Variants in COX19 observed in about 807,000 individuals in gnomAD.
COX19 encodes the protein cytochrome c oxidase assembly factor COX19.
In COX19, 8 loss-of-function variants were observed where a neutral mutation model predicts 6.8. The observed-to-expected ratio is 1.18, with a 90% CI of 0.69 to 2.12. The LOEUF (loss-of-function observed/expected upper bound fraction) is 2.12, where lower values mean the gene tolerates loss of function less well. Ranked by LOEUF, COX19 falls within the 30% of genes most tolerant of loss-of-function variation. The pLI, the probability that COX19 is intolerant of heterozygous loss-of-function variation, is 0.00. For missense variants in COX19, 131 were observed against 104.6 expected (o/e 1.25, Z -1.10); for synonymous variants, 51 against 38.0 (o/e 1.34, Z -1.26).
intron 2 of COX19, 34 bp from the exon 3 acceptor site, chr7:969,490 G>T (rs764164190): frequency 1.4e-6 from 2 of 1,398,842 alleles, no homozygotes; most frequent in Non-Finnish European, 2.0e-6. Flanking sequence ...CAGGGCGGGA[G>T]GTGCAGAGAG....
In COX19 at chr7:968,430, T is replaced by A. The variant is rs898192702; in HGVS notation, c.*948A>T. ...CCCACCCCGTCTCCTGCCACCATCCTCCACTGACCAGACAGGAGCCAGCCC... is the reference window on the plus strand; with the variant it reads ...CCCACCCCGTCTCCTGCCACCATCCACCACTGACCAGACAGGAGCCAGCCC... On this transcript the variant is annotated 3_prime_UTR_variant, in exon 3 of 3. Coordinates refer to ENST00000344111, the MANE Select transcript of COX19 (RefSeq NM_001031617.3). 2 of 152,280 alleles carry A rather than the reference T, an allele frequency of 1.3e-5. No individual in the cohort carries two copies. The highest frequency in any genetic ancestry group is 2.9e-5 in the Non-Finnish European group (2 of 68,114). 9.4% of individuals were successfully genotyped at this position (152,280 alleles called of 1,614,324 possible).
Position 969,463 on chromosome 7 carries a change from GAA to G in COX19, c.195-9_195-8del. 1 of 1,586,748 alleles carries G rather than the reference GAA, an allele frequency of 6.3e-7. No homozygotes were observed. Among genetic ancestry groups the G allele is most frequent in the Non-Finnish European group, 8.7e-7 (1 of 1,155,974 alleles). ...TTCTTGTAGCATCAATTTTCTAAAA[GAA>G]AAAGAGAAAGCTGTCAGGGCGGGAG... On this transcript the variant is annotated splice_polypyrimidine_tract_variant and splice_region_variant and intron_variant, in intron 2 of 2. Coordinates refer to ENST00000344111, the MANE Select transcript of COX19 (RefSeq NM_001031617.3).
intron 1 of COX19, 72 bp downstream of exon 1, chr7:975,356 T>A (rs983492455): frequency 1.8e-5 from 23 of 1,268,964 alleles, no homozygotes; most frequent in Non-Finnish European, 2.5e-5. Flanking sequence ...CGGCACCCCA[T>A]AGGGCTCCGC....
In COX19 at chr7:975,442, G is replaced by A. The variant is rs1847692308; in HGVS notation, c.68C>T (p.Pro23Leu). 6.3e-7 allele frequency: 1 copy of A among 1,597,828 alleles called. No individual in the cohort carries two copies. Among genetic ancestry groups the A allele is most frequent in the African/African-American group, 1.4e-5 (1 of 72,628 alleles). The change falls in exon 1 of 3, where the codon CCG becomes CTG. Residue 23 changes from proline (P) to leucine (L), a missense_variant. Pro to Leu is a moderately conservative substitution (Grantham distance 98). Transcript: ENST00000344111. ...CCGCCGCTCACCTAAGTGATCCAGCGGGAAGCTGCCCTTGTCCGGGGGCCG... is the reference window on the plus strand; with the variant it reads ...CCGCCGCTCACCTAAGTGATCCAGCAGGAAGCTGCCCTTGTCCGGGGGCCG... ...QPRPPDKGSFPLDHLGECKSF... is the reference protein window; with the variant it reads ...QPRPPDKGSFLLDHLGECKSF...
Position 965,918 on chromosome 7 carries a change from C to T in COX19, c.*3460G>A, listed in dbSNP as rs775481417. Among the ~76,000 whole-genome samples the T allele has an allele frequency of 6.6e-5, 10 of 152,330 alleles. No homozygotes were observed. The highest frequency in any genetic ancestry group is 1.3e-4 in the Admixed American group (2 of 15,304). ...CCTCCCAAAGTGTTGGGATTATAGG[C>T]GTGAGCCACTGGCGCCCGGCCCGCT... On this transcript the variant is annotated 3_prime_UTR_variant, in exon 3 of 3. Coordinates refer to ENST00000344111, the MANE Select transcript of COX19 (RefSeq NM_001031617.3).
chr7:973,159 C>T, intron 2 of COX19, 22 bp downstream of exon 2: 2 of 1,475,308 alleles, frequency 1.4e-6, no homozygotes, highest in Non-Finnish European at 1.8e-6. Context: ...AGGTGGAAAT[C>T]ATAACGCTTA....
At chr7:972,970 G>A (rs953365620) in intron 2 of COX19, 13 of 339,372 alleles carry the variant, frequency 3.8e-5, no homozygotes, top group African/African-American at 1.3e-4. Flanking sequence ...TAACGCTATC[G>A]CTCAAGAAGA....
intron 2 of COX19, 72 bp downstream of exon 2, chr7:973,109 G>A: frequency 1.0e-6 from 1 of 976,252 alleles, no homozygotes; most frequent in Non-Finnish European, 1.4e-6. Flanking sequence ...ACACTGTAAT[G>A]GCCTTTCAGG....
intron 2 of COX19, 143 bp downstream of exon 2, chr7:973,038 C>G: frequency 2.2e-6 from 1 of 453,714 alleles, no homozygotes; most frequent in Non-Finnish European, 3.8e-6. Context: ...GCCTCCATTT[C>G]AAGGGCAAAC....
chr7:973,317 GT>G (rs757150330), intron 1 of COX19, 25 bp from the exon 2 acceptor site: 1 of 1,550,270 alleles, frequency 6.5e-7, no homozygotes, highest in Non-Finnish European at 8.7e-7. Flanking sequence ...AAAACAGCAT[GT>G]TCTTTTCAGA....
chr7:967,469 TGTCTTTCCCACCTTTGGTCGACG>T lies in COX19; in HGVS notation c.*1886_*1908del, dbSNP rs1340343269. On this transcript the variant is annotated 3_prime_UTR_variant, in exon 3 of 3. Coordinates refer to ENST00000344111, the MANE Select transcript of COX19 (RefSeq NM_001031617.3). ...ACTACTTAGAGTACAGTATCTTTCC[TGTCTTTCCCACCTTTGGTCGACG>T]GTCTTCCCCACACTCCTGATGGGTC... is the stretch of plus-strand genomic sequence containing the variant. The T allele has an allele frequency of 5.3e-5, 8 of 152,254 alleles. No individual in the cohort carries two copies. The highest frequency in any genetic ancestry group is 1.2e-4 in the African/African-American group (5 of 41,464). 9.4% of individuals were successfully genotyped at this position (152,254 alleles called of 1,614,324 possible). A position where few individuals can be genotyped will look rare whatever the true frequency, so the allele number is the denominator to read the frequency against.
At chr7:974,119 C>T (rs1847671076) in intron 1 of COX19, among the ~76,000 whole-genome samples, 1 of 149,252 alleles carries the variant, frequency 6.7e-6, no homozygotes, top group Non-Finnish European at 1.5e-5. Flanking sequence ...ATCGCTTGAA[C>T]CCGGGAGGAG....
intron 2 of COX19, among the ~76,000 whole-genome samples, chr7:970,655 G>A (rs1219168114): frequency 1.3e-5 from 2 of 152,092 alleles, no homozygotes; most frequent in Non-Finnish European, 2.9e-5. Context: ...TGCTCGTCTT[G>A]AACTCCTGAC....
chr7:970,654 T>G (rs569193249), intron 2 of COX19, among the ~76,000 whole-genome samples: 30 of 152,124 alleles, frequency 2.0e-4, no homozygotes, highest in African/African-American at 6.7e-4. Context: ...ATGCTCGTCT[T>G]GAACTCCTGA....
chr7:971,789 T>A (rs1429486180), intron 2 of COX19, among the ~76,000 whole-genome samples: 5 of 152,146 alleles, frequency 3.3e-5, no homozygotes, highest in African/African-American at 9.7e-5. Context: ...GAGAATGGGG[T>A]GAACCCGGGA....
intron 1 of COX19, among the ~76,000 whole-genome samples, chr7:974,562 A>G (rs1208732308): frequency 6.6e-6 from 1 of 152,242 alleles, no homozygotes; most frequent in Non-Finnish European, 1.5e-5. Context: ...GTCACAGGAG[A>G]GTTCAGGGTA....
chr7:969,722 C>T (rs539593826), intron 2 of COX19, among the ~76,000 whole-genome samples: 11 of 152,238 alleles, frequency 7.2e-5, no homozygotes, highest in East Asian at 1.9e-4. Flanking sequence ...CAGCTGCACC[C>T]GCTGCCCCCA....
At chr7:972,568 A>G (rs1163520509) in intron 2 of COX19, 1 of 152,242 alleles carries the variant, frequency 6.6e-6, no homozygotes, top group Non-Finnish European at 1.5e-5. Context: ...CTACCATCAT[A>G]TAATTATATG....
rs145320887 is a variant in COX19 at position 969,602 on chromosome 7, G to A, written c.195-146C>T. On this transcript the variant is annotated intron_variant, in intron 2 of 2. Coordinates refer to ENST00000344111, the MANE Select transcript of COX19 (RefSeq NM_001031617.3). ...GAGTGGCCCCTCGGCCTCGGCCCCC[G>A]TGGCTGGTGCCTTCCCCACTGGGCA... 1.1e-3 allele frequency: 757 copies of A among 674,722 alleles called. 6 individuals are homozygous for A. In the African/African-American group the frequency reaches 0.012, roughly 11 times the overall value. 41.8% of individuals were successfully genotyped at this position (674,722 alleles called of 1,614,324 possible). A position where few individuals can be genotyped will look rare whatever the true frequency, so the allele number is the denominator to read the frequency against.
Sources: gnomAD v4.1 joint callset for allele counts (sites outside exome capture counted in the v4.1 genomes callset) on GRCh38, gnomAD v4.1.1 for gene constraint, MANE v1.5 for transcripts, NCBI Gene and HGNC (gene_info 2026-07-23, HGNC 2026-07-21) for gene names.